The following XIRP2 variants were observed in gnomAD, a reference collection of about 807,000 sequenced individuals.
XIRP2 encodes the protein xin actin binding repeat containing 2.
A neutral mutation model predicts 277.0 loss-of-function variants in XIRP2; 236 were observed. The ratio of observed to expected loss-of-function variants is 0.85; its 90% CI spans 0.77 to 0.95. XIRP2 has a LOEUF of 0.95. Ranked by LOEUF, XIRP2 falls within the 40% of genes least tolerant of loss-of-function variation. XIRP2 has a pLI of 0.00. For synonymous variants in XIRP2, 1,490 were observed against 1,416.5 expected (o/e 1.05, Z -1.17); for missense variants, 4,640 against 4,157.5 (o/e 1.12, Z -3.19).
chr2:167,108,924 A>T (rs1325483181), intron 2 of XIRP2, among the ~76,000 whole-genome samples: 1 of 151,882 alleles, frequency 6.6e-6, no homozygotes, highest in Non-Finnish European at 1.5e-5. Context: ...AAAAAGGTAA[A>T]CTCTGTGTCA....
rs1695301134 is a variant in XIRP2, at chr2:167,247,233, A to C, written c.5841A>C (p.Lys1947Asn). 1 of 1,613,710 alleles carries C rather than the reference A, an allele frequency of 6.2e-7. No homozygotes were observed. The highest frequency in any genetic ancestry group is 1.3e-5 in the African/African-American group (1 of 75,002). ...TACATAAAGAAGGTGTAATAAAAAA[A>C]GATGCTAAAGCTGTGATGGCAGGAT... ...KEVHKEGVIK[K>N]DAKAVMAGSS... The change falls in exon 9 of 11, where the codon AAA becomes AAC. Residue 1947 changes from lysine to asparagine, a missense_variant. Physicochemically the swap from Lys to Asn is moderately conservative, Grantham distance 94. Transcript: ENST00000409195.
intron 2 of XIRP2, among the ~76,000 whole-genome samples, chr2:167,082,113 A>G: frequency 9.1e-6 from 1 of 109,324 alleles, no homozygotes. Context: ...TACCCACCAC[A>G]GTCCCCAGAG....
intron 2 of XIRP2, among the ~76,000 whole-genome samples, chr2:166,930,040 G>A (rs1227243093): frequency 6.6e-6 from 1 of 152,152 alleles, no homozygotes; most frequent in East Asian, 1.9e-4. Flanking sequence ...GACCTGGGTT[G>A]TCTGTCAGCT....
rs142854548 is a variant in XIRP2, at chr2:166,926,512, TA to T, written c.408+22624del. ...AAAAGAAACGAGAGGTCATCCTCAATAATCTCTGCCTTTATAACAAATATCC... is the reference window on the plus strand; with the variant it reads ...AAAAGAAACGAGAGGTCATCCTCAATATCTCTGCCTTTATAACAAATATCC... On this transcript the variant is annotated intron_variant, in intron 2 of 10. Transcript: ENST00000409195. 4.8e-3 allele frequency among the ~76,000 whole-genome samples: 732 copies of T among 152,260 alleles called. 3 individuals carry two copies. Among genetic ancestry groups the T allele is most frequent in the Non-Finnish European group, 8.6e-3 (583 of 67,988 alleles).
At chr2:167,059,092 T>G (rs933318460) in intron 2 of XIRP2, among the ~76,000 whole-genome samples, 1 of 146,444 alleles carries the variant, frequency 6.8e-6, no homozygotes, top group South Asian at 2.1e-4. Context: ...GGATTTAACT[T>G]TTTTTTCTCT....
intron 2 of XIRP2, among the ~76,000 whole-genome samples, chr2:167,065,399 A>G (rs1003146031): frequency 2.6e-5 from 4 of 151,850 alleles, no homozygotes; most frequent in Admixed American, 6.6e-5. Flanking sequence ...TTCTTTATAT[A>G]TACTGGATAT....
At position 167,190,419 on chromosome 2, in the gene XIRP2, G is replaced by A. The variant is rs531567989; in HGVS notation, c.563-20316G>A. Among the ~76,000 whole-genome samples the A allele has an allele frequency of 4.4e-3, 674 of 152,048 alleles. 4 individuals carry two copies. Among genetic ancestry groups the A allele is most frequent in the South Asian group, 0.013 (62 of 4,790 alleles). On this transcript the variant is annotated intron_variant, in intron 3 of 10. Transcript: ENST00000409195. ...CTGACTGCCAAGAGTCATTCCATTA[G>A]CATAAAAAAGTCATTCTCGGGAGAC...
At chr2:167,027,960 G>T (rs770794181) in intron 2 of XIRP2, among the ~76,000 whole-genome samples, 2 of 152,022 alleles carry the variant, frequency 1.3e-5, no homozygotes, top group Non-Finnish European at 2.9e-5. Flanking sequence ...TGTACAGTGA[G>T]AAGAGGCATC....
chr2:166,956,885 G>A (rs1686176595), intron 2 of XIRP2, among the ~76,000 whole-genome samples: 1 of 151,858 alleles, frequency 6.6e-6, no homozygotes, highest in South Asian at 2.1e-4. Flanking sequence ...CTTCACAGCA[G>A]TCTAGCAAAT....
chr2:167,015,444 ATCT>A (rs1160871592), intron 2 of XIRP2, among the ~76,000 whole-genome samples: 2 of 151,094 alleles, frequency 1.3e-5, no homozygotes, highest in African/African-American at 2.4e-5. Context: ...CTATCTATCT[ATCT>A]ATCTATCTAT....
intron 2 of XIRP2, among the ~76,000 whole-genome samples, chr2:166,950,412 GGAAAAATTA>G (rs908665830): frequency 2.0e-5 from 3 of 151,720 alleles, no homozygotes; most frequent in African/African-American, 7.3e-5. Context: ...TTTTGTACAA[GGAAAAATTA>G]GAGTAGAGTT....
At chr2:166,957,615 A>G (rs1341890844) in intron 2 of XIRP2, among the ~76,000 whole-genome samples, 2 of 151,766 alleles carry the variant, frequency 1.3e-5, no homozygotes, top group East Asian at 1.9e-4. Context: ...GGAACTTTTT[A>G]AAGCAATTAT....
At chr2:167,049,282 G>A (rs1455513646) in intron 2 of XIRP2, among the ~76,000 whole-genome samples, 3 of 151,210 alleles carry the variant, frequency 2.0e-5, no homozygotes, top group Admixed American at 6.6e-5. Flanking sequence ...CATGCCCTTT[G>A]ATTTTTAAAT....
At chr2:167,049,150 T>C (rs1688857959) in intron 2 of XIRP2, among the ~76,000 whole-genome samples, 1 of 151,838 alleles carries the variant, frequency 6.6e-6, no homozygotes, top group South Asian at 2.1e-4. Flanking sequence ...TCTCTGCTTC[T>C]GGCTTGTGGA....
chr2:167,053,037 A>T (rs1014914040), intron 2 of XIRP2, among the ~76,000 whole-genome samples: 7 of 152,140 alleles, frequency 4.6e-5, no homozygotes, highest in African/African-American at 1.7e-4. Flanking sequence ...TTAATGCATG[A>T]CTCAGACACA....
intron 3 of XIRP2, among the ~76,000 whole-genome samples, chr2:167,160,013 G>A (rs1301409849): frequency 6.6e-6 from 1 of 152,096 alleles, no homozygotes; most frequent in African/African-American, 2.4e-5. Context: ...CTTGGTAGGA[G>A]ATTATTAAAA....
chr2:167,151,882 T>A (rs1056966452), intron 3 of XIRP2, among the ~76,000 whole-genome samples: 2 of 152,092 alleles, frequency 1.3e-5, no homozygotes, highest in Non-Finnish European at 2.9e-5. Context: ...AAAATTCAAT[T>A]TGCTACTAGA....
At chr2:166,925,596 CATAT>C (rs3060398) in intron 2 of XIRP2, among the ~76,000 whole-genome samples, 7,167 of 102,304 alleles carry the variant, frequency 0.07, 413 homozygotes, top group African/African-American at 0.16. Context: ...TGTGTATATA[CATAT>C]ATATATATAT....
chr2:167,087,682 T>C (rs1240996600), intron 2 of XIRP2, among the ~76,000 whole-genome samples: 5 of 152,220 alleles, frequency 3.3e-5, no homozygotes, highest in Admixed American at 3.3e-4. Context: ...AGCGCAGTAT[T>C]TGGGTGGCAG....
Sources: gnomAD v4.1 joint callset for allele counts (sites outside exome capture counted in the v4.1 genomes callset) on GRCh38, gnomAD v4.1.1 for gene constraint, MANE v1.5 for transcripts, NCBI Gene and HGNC (gene_info 2026-07-23, HGNC 2026-07-21) for gene names.